The following CCDC3 variants were observed in gnomAD, a reference collection of about 807,000 sequenced individuals.
CCDC3 encodes coiled-coil domain-containing protein 3.
Under a neutral mutation model 21.4 loss-of-function variants are expected in CCDC3, and 24 were observed. The ratio of observed to expected loss-of-function variants is 1.12; its 90% CI spans 0.81 to 1.58. The LOEUF is 1.58. CCDC3 is among the 40% of genes most tolerant of loss of function. The pLI is 0.00. For synonymous variants in CCDC3, 186 were observed against 166.0 expected, an observed-to-expected ratio of 1.12 and a Z score of -0.93; for missense variants, 425 against 360.9, an observed-to-expected ratio of 1.18 and a Z score of -1.44.
At chr10:13,022,628 A>C (rs2131405978) in intron 5 of CCDC3, among the ~76,000 whole-genome samples, 1 of 152,326 alleles carries the variant, frequency 6.6e-6, no homozygotes, top group Admixed American at 6.5e-5. Context: ...AACCTAATGC[A>C]AGGGGACCCT....
chr10:13,035,481 C>A (rs915374005), intron 5 of CCDC3, among the ~76,000 whole-genome samples: 1 of 152,186 alleles, frequency 6.6e-6, no homozygotes, highest in Non-Finnish European at 1.5e-5. Flanking sequence ...CCAGAACAGG[C>A]CTCCTACTCT....
chr10:12,919,586 T>TAAAAA (rs11413349), intron 2 of CCDC3, among the ~76,000 whole-genome samples: 4 of 130,928 alleles, frequency 3.1e-5, no homozygotes, highest in South Asian at 2.6e-4. Flanking sequence ...CAAGACTGTC[T>TAAAAA]AAAAAAAAAA....
intron 5 of CCDC3, among the ~76,000 whole-genome samples, chr10:13,018,105 T>A (rs571129793): frequency 5.4e-4 from 80 of 148,136 alleles, no homozygotes; most frequent in African/African-American, 1.9e-3. Flanking sequence ...AAAAAAAAAA[T>A]AATAATAAGC....
chr10:13,029,196 T>G (rs1313373129), intron 5 of CCDC3, among the ~76,000 whole-genome samples: 1 of 152,212 alleles, frequency 6.6e-6, no homozygotes, highest in Non-Finnish European at 1.5e-5. Flanking sequence ...AAAGCTGTTT[T>G]GATACTGCCT....
intron 3 of CCDC3, among the ~76,000 whole-genome samples, chr10:13,096,853 C>T (rs940118605): frequency 6.6e-6 from 1 of 152,234 alleles, no homozygotes; most frequent in Non-Finnish European, 1.5e-5. Context: ...AATCTGGGGG[C>T]GGGGGAGTCA....
intron 2 of CCDC3, among the ~76,000 whole-genome samples, chr10:12,975,681 CT>C (rs1835407109): frequency 6.6e-6 from 1 of 152,128 alleles, no homozygotes; most frequent in Non-Finnish European, 1.5e-5. Context: ...TGCCAGCACC[CT>C]GTGTCACATG....
At chr10:13,017,282 C>T (rs1012039479) in intron 5 of CCDC3, among the ~76,000 whole-genome samples, 1 of 151,698 alleles carries the variant, frequency 6.6e-6, no homozygotes, top group Non-Finnish European at 1.5e-5. Context: ...TTTGGGAGGC[C>T]GAGGTGGGCG....
At chr10:13,047,979 A>G (rs1279388286) in intron 5 of CCDC3, among the ~76,000 whole-genome samples, 2 of 152,172 alleles carry the variant, frequency 1.3e-5, no homozygotes, top group Non-Finnish European at 1.5e-5. Flanking sequence ...ATATGGTCAC[A>G]TGACTGAATC....
intron 1 of CCDC3, chr10:13,099,414 C>G (rs1832688083): frequency 7.0e-6 from 1 of 143,246 alleles, no homozygotes; most frequent in Non-Finnish European, 1.5e-5. Context: ...CCCTCCCTCT[C>G]TCTCTCTCTC....
chr10:12,928,454 C>T (rs868732726), intron 2 of CCDC3, among the ~76,000 whole-genome samples: 17 of 152,224 alleles, frequency 1.1e-4, no homozygotes, highest in African/African-American at 4.1e-4. Context: ...CAATAGGCTA[C>T]ATCAGCAGTT....
chr10:12,935,910 T>C (rs1834730016), intron 2 of CCDC3, among the ~76,000 whole-genome samples: 1 of 152,208 alleles, frequency 6.6e-6, no homozygotes, highest in African/African-American at 2.4e-5. Context: ...CGTTCCTAAT[T>C]CCCCTGCTGT....
At chr10:12,985,756 G>C (rs965322807) in intron 2 of CCDC3, among the ~76,000 whole-genome samples, 1 of 152,236 alleles carries the variant, frequency 6.6e-6, no homozygotes, top group Non-Finnish European at 1.5e-5. Context: ...TTTAGGGATA[G>C]GTGAGGGGAA....
At chr10:12,944,312 C>G (rs1834880882) in intron 2 of CCDC3, among the ~76,000 whole-genome samples, 1 of 152,166 alleles carries the variant, frequency 6.6e-6, no homozygotes, top group Non-Finnish European at 1.5e-5. Context: ...GAGGCTTCAT[C>G]TACGTGACAA....
intron 2 of CCDC3, among the ~76,000 whole-genome samples, chr10:12,931,197 C>G (rs1294988078): frequency 1.1e-5 from 1 of 94,752 alleles, no homozygotes; most frequent in Non-Finnish European, 1.9e-5. Context: ...GGCCACAGAG[C>G]AAGACTCTGT....
rs17152674 is a variant in CCDC3, at chr10:13,016,688, G to C, written c.-1-18176C>G. Among the ~76,000 whole-genome samples, 733 of 152,098 alleles carry C rather than the reference G, an allele frequency of 4.8e-3. 4 individuals carry two copies. The highest frequency in any genetic ancestry group is 0.016 in the African/African-American group (684 of 41,514). ...AGGACTCCCTGCCTGTGGTCCCCTG[G>C]CTCTCAAGTGGGGCCTCCTTCCTAA... is the stretch of plus-strand genomic sequence containing the variant. On this transcript the variant is annotated intron_variant, in intron 5 of 6. Coordinates refer to the CCDC3 transcript ENST00000378839.
At chr10:12,916,303 A>ACG (rs1834355552) in intron 2 of CCDC3, among the ~76,000 whole-genome samples, 4 of 151,988 alleles carry the variant, frequency 2.6e-5, no homozygotes, top group Non-Finnish European at 5.9e-5. Context: ...ATGGTGGTGC[A>ACG]TGCCTGTAAT....
At position 12,949,664 on chromosome 10, in the gene CCDC3, G is replaced by A. The variant is rs367572759; in HGVS notation, c.549+48674C>T. Among the ~76,000 whole-genome samples, 9 of 152,280 alleles carry A rather than the reference G, an allele frequency of 5.9e-5. No individual in the cohort carries two copies. In the East Asian group the frequency reaches 7.7e-4, roughly 13 times the overall value. ...GCTTGCTGAGAAAAAAATTATAATC[G>A]CAGGTTCACTTTCCTAAATCAATGT... On this transcript the variant is annotated intron_variant, in intron 2 of 2. Transcript: ENST00000378825.
At chr10:12,912,544 T>G (rs1427307588) in intron 2 of CCDC3, among the ~76,000 whole-genome samples, 1 of 151,586 alleles carries the variant, frequency 6.6e-6, no homozygotes, top group Non-Finnish European at 1.5e-5. Context: ...GTGTAAATAT[T>G]TTCTTCCATT....
intron 3 of CCDC3, among the ~76,000 whole-genome samples, chr10:13,094,812 C>T (rs1456407608): frequency 6.6e-6 from 1 of 151,966 alleles, no homozygotes; most frequent in Non-Finnish European, 1.5e-5. Flanking sequence ...TGCAGTGAGC[C>T]ACGACTATGC....
Sources: allele counts gnomAD v4.1 joint callset (sites outside exome capture counted in the v4.1 genomes callset), GRCh38; gene constraint gnomAD v4.1.1; transcripts MANE v1.5; gene names NCBI Gene and HGNC (gene_info 2026-07-23, HGNC 2026-07-21).